The following LDLRAP1 variants were observed in gnomAD, a reference collection of about 807,000 sequenced individuals.
The protein encoded by LDLRAP1 is low density lipoprotein receptor adaptor protein 1.
In LDLRAP1, 30 loss-of-function variants were observed where a neutral mutation model predicts 37.8. The ratio of observed to expected loss-of-function variants is 0.79; its 90% CI spans 0.59 to 1.08. The LOEUF (loss-of-function observed/expected upper bound fraction) is 1.08, where lower values mean the gene tolerates loss of function less well. Ranked by LOEUF, LDLRAP1 falls within the 50% of genes least tolerant of loss-of-function variation. LDLRAP1 has a pLI of 0.00. For missense variants in LDLRAP1, 375 were observed against 401.6 expected (o/e 0.93, Z 0.57); for synonymous variants, 156 against 169.8 (o/e 0.92, Z 0.63).
chr1:25,558,556 T>C (rs959269594), intron 4 of LDLRAP1, among the ~76,000 whole-genome samples: 1 of 152,176 alleles, frequency 6.6e-6, no homozygotes, highest in African/African-American at 2.4e-5. Context: ...ATCCATTTCC[T>C]TACCTTTTCT....
At chr1:25,562,072 T>C (rs868574807) in intron 4 of LDLRAP1, among the ~76,000 whole-genome samples, 14 of 152,264 alleles carry the variant, frequency 9.2e-5, no homozygotes, top group South Asian at 4.1e-4. Context: ...CGGGCCTTCA[T>C]TGACATCTTG....
At position 25,567,335 on chromosome 1, in the gene LDLRAP1, A is replaced by C; in HGVS notation, c.*343A>C. 1.5e-5 allele frequency: 6 copies of C among 393,000 alleles called. No homozygotes were observed. The highest frequency in any genetic ancestry group is 1.2e-4 in the East Asian group (2 of 17,166). 24.3% of individuals were successfully genotyped at this position (393,000 alleles called of 1,614,324 possible). ...AGCAAGCTCTGCCCTGGCTGTGGGT[A>C]TCAGGACTGTGACCAAAGCATTTCT... is the stretch of plus-strand genomic sequence containing the variant. On this transcript the variant is annotated 3_prime_UTR_variant, in exon 9 of 9. Transcript: ENST00000374338.
the LDLRAP1 span, among the ~76,000 whole-genome samples, chr1:25,584,927 G>A: frequency 6.6e-6 from 1 of 152,200 alleles, no homozygotes; most frequent in South Asian, 2.1e-4. Context: ...CCTGGCAAGT[G>A]CTACAAAGGG....
downstream of LDLRAP1, among the ~76,000 whole-genome samples, chr1:25,573,096 G>A (rs552330972): frequency 3.3e-5 from 5 of 151,820 alleles, no homozygotes; most frequent in African/African-American, 9.7e-5. Context: ...TTTGCGGGGC[G>A]GGGGGAGGTC....
chr1:25,571,143 G>A (rs969783843), downstream of LDLRAP1, among the ~76,000 whole-genome samples: 1 of 152,208 alleles, frequency 6.6e-6, no homozygotes, highest in African/African-American at 2.4e-5. Flanking sequence ...GACCTGGTGT[G>A]CCCTGCTCTG....
the LDLRAP1 span, among the ~76,000 whole-genome samples, chr1:25,580,596 G>A: frequency 0.64 from 96,667 of 151,980 alleles, 32,383 homozygotes; most frequent in Non-Finnish European, 0.75. Flanking sequence ...CAGCCTTGAC[G>A]TTTCTGGGAT....
At chr1:25,558,683 C>T (rs916766697) in intron 4 of LDLRAP1, among the ~76,000 whole-genome samples, 9 of 152,164 alleles carry the variant, frequency 5.9e-5, no homozygotes, top group Non-Finnish European at 1.2e-4. Flanking sequence ...CTGCTTTTAG[C>T]TCTGACTCTC....
downstream of LDLRAP1, among the ~76,000 whole-genome samples, chr1:25,571,732 G>T (rs1361539310): frequency 6.6e-6 from 1 of 152,220 alleles, no homozygotes; most frequent in Non-Finnish European, 1.5e-5. Context: ...GACCTTGCTT[G>T]CTTAGGAACT....
At chr1:25,577,310 A>C in the LDLRAP1 span, among the ~76,000 whole-genome samples, 2 of 151,760 alleles carry the variant, frequency 1.3e-5, no homozygotes, top group Non-Finnish European at 2.9e-5. Context: ...GGAGTGGGGG[A>C]GGGGCTGCCA....
the LDLRAP1 span, among the ~76,000 whole-genome samples, chr1:25,578,459 G>A: frequency 2.0e-5 from 3 of 152,122 alleles, no homozygotes; most frequent in Non-Finnish European, 2.9e-5. Context: ...CACTAACCCC[G>A]TTAGACATCA....
At chr1:25,563,919 G>T (rs2044412712) in intron 7 of LDLRAP1, 128 bp downstream of exon 7, 2 of 1,221,042 alleles carry the variant, frequency 1.6e-6, no homozygotes, top group African/African-American at 1.5e-5. Context: ...GACCCAGCCC[G>T]GTAGTGCCCA....
At position 25,550,367 on chromosome 1, in the gene LDLRAP1, G is replaced by A. The variant is rs79216831; in HGVS notation, c.89-3555G>A. ...GCTGATATCTTAGGATTAAGGCCTT[G>A]CTGTTAACCACGAGGCTATATTGCC... is the stretch of plus-strand genomic sequence containing the variant. On this transcript the variant is annotated intron_variant, in intron 1 of 8. Transcript: ENST00000374338. 8.3e-4 allele frequency among the ~76,000 whole-genome samples: 127 copies of A among 152,362 alleles called. No individual in the cohort carries two copies. The East Asian group carries it at 0.021, about 25-fold the overall frequency.
chr1:25,589,074 C>T, the LDLRAP1 span, among the ~76,000 whole-genome samples: 10 of 152,050 alleles, frequency 6.6e-5, no homozygotes, highest in South Asian at 1.0e-3. Context: ...GAGGCCGAGG[C>T]GGGGGGATCA....
chr1:25,566,873 C>A lies in LDLRAP1; in HGVS notation c.808C>A (p.Gln270Lys). 1 of 1,612,312 alleles carries A rather than the reference C, an allele frequency of 6.2e-7. No individual in the cohort carries two copies. The highest frequency in any genetic ancestry group is 8.5e-7 in the Non-Finnish European group (1 of 1,179,446). The change falls in exon 9 of 9, where the codon CAG (glutamine) becomes AAG (lysine). Residue 270 changes from glutamine to lysine, a missense_variant. Transcript: ENST00000374338. ...GCTTGCCCAGTCTCGGACAAACCCT[C>A]AGGTCCTGGACACTGGCCTGACAGC... ...SRLAQSRTNPQVLDTGLTAQD... is the reference protein window; with the variant it reads ...SRLAQSRTNPKVLDTGLTAQD...
chr1:25,570,100 G>T (rs557575061), downstream of LDLRAP1, among the ~76,000 whole-genome samples: 1 of 152,106 alleles, frequency 6.6e-6, no homozygotes, highest in East Asian at 1.9e-4. Context: ...TATTTTAAGC[G>T]TCCAGAACCC....
Position 25,568,659 on chromosome 1 carries a change from A to C in LDLRAP1, c.*1667A>C, listed in dbSNP as rs1395526805. On this transcript the variant is annotated 3_prime_UTR_variant, in exon 9 of 9. Transcript: ENST00000374338. ...TCCTTGGCACCGGCCTCTATTTGTCATAAGGCGGCGTGGGCGAGGCCTGAC... is the reference window on the plus strand; with the variant it reads ...TCCTTGGCACCGGCCTCTATTTGTCCTAAGGCGGCGTGGGCGAGGCCTGAC... 3.9e-5 allele frequency: 6 copies of C among 152,388 alleles called. No homozygotes were observed. Among genetic ancestry groups the C allele is most frequent in the African/African-American group, 1.4e-4 (6 of 41,582 alleles). The allele number at this position is 152,388 out of a possible 1,614,324, so 9.4% of individuals were successfully genotyped here. A position where few individuals can be genotyped will look rare whatever the true frequency, so the allele number is the denominator to read the frequency against.
At chr1:25,558,852 G>A (rs576401975) in intron 4 of LDLRAP1, among the ~76,000 whole-genome samples, 10 of 152,128 alleles carry the variant, frequency 6.6e-5, no homozygotes, top group South Asian at 2.1e-4. Flanking sequence ...TCTTGGGGGC[G>A]GACACACGAT....
chr1:25,576,490 C>T, the LDLRAP1 span, among the ~76,000 whole-genome samples: 5 of 152,276 alleles, frequency 3.3e-5, no homozygotes, highest in Non-Finnish European at 5.9e-5. Flanking sequence ...CGTGCCACTG[C>T]GCTCTAGCCT....
the LDLRAP1 span, among the ~76,000 whole-genome samples, chr1:25,578,967 T>C: frequency 1.7e-4 from 26 of 152,110 alleles, no homozygotes; most frequent in African/African-American, 6.3e-4. Flanking sequence ...AAACATGGCT[T>C]CTTAAATTTG....
Sources: allele counts gnomAD v4.1 joint callset (sites outside exome capture counted in the v4.1 genomes callset), GRCh38; gene constraint gnomAD v4.1.1; transcripts MANE v1.5; gene names NCBI Gene and HGNC (gene_info 2026-07-23, HGNC 2026-07-21).